Variants in QSER1 observed in about 807,000 individuals in gnomAD.
QSER1 encodes the protein glutamine and serine-rich protein 1.
In QSER1, 49 loss-of-function variants were observed where a neutral mutation model predicts 158.5. The observed-to-expected ratio is 0.31, with a 90% CI of 0.25 to 0.39. The LOEUF (loss-of-function observed/expected upper bound fraction) is 0.39, where lower values mean the gene tolerates loss of function less well. Among genes scored for constraint, QSER1 ranks in the 10% least tolerant of loss-of-function variants. QSER1 has a pLI of 1.00. For synonymous variants in QSER1, 650 were observed against 715.5 expected, an observed-to-expected ratio of 0.91 and a Z score of 1.46; for missense variants, 1,754 against 2,010.3, an observed-to-expected ratio of 0.87 and a Z score of 2.44.
rs751942678 is a variant in QSER1, at chr11:32,928,079, G to A, written c.440G>A (p.Gly147Glu). ...ESRTAQAAAS[G>E]TTLLPQFRAP... is the part of the protein sequence containing the mutation. ...CGAACTGCTCAGGCTGCTGCTTCAGGAACTACTCTCTTACCACAATTCAGG... is the reference window on the plus strand; with the variant it reads ...CGAACTGCTCAGGCTGCTGCTTCAGAAACTACTCTCTTACCACAATTCAGG... Residue 147 changes from glycine (G) to glutamate (E), a missense_variant, in exon 3 of 13, where the codon GGA (glycine) becomes GAA (glutamate). Physicochemically the swap from Gly to Glu is moderately conservative, Grantham distance 98. Around this residue, in one of 2 missense-constraint regions of QSER1, gnomAD observed 1,707 missense variants for 1,919.6 expected, o/e 0.89. Transcript: ENST00000650167. 1 of 1,613,892 alleles carries A rather than the reference G, an allele frequency of 6.2e-7. No individual in the cohort carries two copies. The highest frequency in any genetic ancestry group is 8.5e-7 in the Non-Finnish European group (1 of 1,179,876).
intron 4 of QSER1, among the ~76,000 whole-genome samples, chr11:32,937,510 A>C (rs1446366934): frequency 1.3e-5 from 2 of 151,238 alleles, no homozygotes; most frequent in Non-Finnish European, 2.9e-5. Context: ...CTGGTCTTGA[A>C]CTCCTGGCCT....
rs149163627 is a variant in QSER1, at chr11:32,911,092, C to G, written c.210-16065C>G. Among the ~76,000 whole-genome samples, 13 of 152,332 alleles carry G rather than the reference C, an allele frequency of 8.5e-5. No homozygotes were observed. The East Asian group carries it at 2.5e-3, about 29-fold the overall frequency. ...AGCAGTTAGTCCTCCTTTCTTGAAA[C>G]TTACAGTTCCTTTGATTTTTGGAGA... is the stretch of plus-strand genomic sequence containing the variant. On this transcript the variant is annotated intron_variant, in intron 1 of 12. Coordinates refer to ENST00000650167, the MANE Select transcript of QSER1 (RefSeq NM_001076786.3).
chr11:32,962,789 A>G (rs1261325928), intron 8 of QSER1, among the ~76,000 whole-genome samples: 1 of 152,224 alleles, frequency 6.6e-6, no homozygotes, highest in Non-Finnish European at 1.5e-5. Flanking sequence ...TTCACTTGAA[A>G]TCTCAAATTT....
At chr11:32,920,006 A>G (rs1310855930) in intron 1 of QSER1, among the ~76,000 whole-genome samples, 1 of 151,988 alleles carries the variant, frequency 6.6e-6, no homozygotes, top group Non-Finnish European at 1.5e-5. Flanking sequence ...TGGCACTACA[A>G]GATACTCTAG....
chr11:32,892,874 CCCG>C lies in QSER1; in HGVS notation c.-251_-249del, dbSNP rs1305232190. 2.5e-5 allele frequency among the ~76,000 whole-genome samples: 3 copies of C among 119,388 alleles called. No homozygotes were observed. Among genetic ancestry groups the C allele is most frequent in the Non-Finnish European group, 5.5e-5 (3 of 54,920 alleles). The allele number at this position is 119,388 out of a possible 152,430, so 78.3% of individuals were successfully genotyped here. On this transcript the variant is annotated 5_prime_UTR_variant, in exon 1 of 13. Coordinates refer to ENST00000650167, the MANE Select transcript of QSER1 (RefSeq NM_001076786.3). ...CGCCGCCGCCGCCGTCGCCGCGAGT[CCCG>C]GCCGCGGGTGCCTCCGCTTCCCTGA... is the stretch of plus-strand genomic sequence containing the variant.
In QSER1 at chr11:32,933,175, C is replaced by T; in HGVS notation, c.1917C>T (p.Pro639=). ...TTCAGACTCAAGAGTCATCATCTCC[C>T]CAGTCCCAGAAGTTTTTGCCTGCTG... is the stretch of plus-strand genomic sequence containing the variant. ...QNVQTQESSS[P]QSQKFLPAVQ... is the part of the protein sequence containing the mutation. Residue 639 remains proline, a synonymous_variant, in exon 4 of 13, where the codon CCC becomes CCT. Coordinates refer to ENST00000650167, the MANE Select transcript of QSER1 (RefSeq NM_001076786.3). The T allele has an allele frequency of 6.2e-7, 1 of 1,613,792 alleles. No homozygotes were observed. Among genetic ancestry groups the T allele is most frequent in the Non-Finnish European group, 8.5e-7 (1 of 1,179,888 alleles).
chr11:32,913,829 T>C (rs1240536457), intron 1 of QSER1, among the ~76,000 whole-genome samples: 1 of 152,202 alleles, frequency 6.6e-6, no homozygotes, highest in Non-Finnish European at 1.5e-5. Context: ...TCTAACTAAT[T>C]GTCTGTGTGG....
At chr11:32,901,818 T>C (rs61889542) in intron 1 of QSER1, among the ~76,000 whole-genome samples, 7,911 of 152,310 alleles carry the variant, frequency 0.052, 356 homozygotes, top group Non-Finnish European at 0.078. Context: ...GCGTGGTGGC[T>C]TGTGCCCATA....
chr11:32,964,024 G>A (rs1278617893), intron 8 of QSER1, among the ~76,000 whole-genome samples: 3 of 152,162 alleles, frequency 2.0e-5, no homozygotes, highest in Non-Finnish European at 4.4e-5. Context: ...ACCAGCAGGA[G>A]TAGAGTGGCA....
chr11:32,918,794 C>A (rs1383060628), intron 1 of QSER1, among the ~76,000 whole-genome samples: 14 of 152,104 alleles, frequency 9.2e-5, no homozygotes, highest in Non-Finnish European at 1.0e-4. Flanking sequence ...CTCTTCCCCC[C>A]AAAAACCCCT....
chr11:32,936,893 A>G (rs1852160677), intron 4 of QSER1, among the ~76,000 whole-genome samples: 1 of 152,244 alleles, frequency 6.6e-6, no homozygotes, highest in Admixed American at 6.5e-5. Context: ...ATACATTTCT[A>G]AAGAATTCTC....
At chr11:32,925,206 T>C (rs1851952112) in intron 1 of QSER1, among the ~76,000 whole-genome samples, 1 of 152,198 alleles carries the variant, frequency 6.6e-6, no homozygotes, top group Non-Finnish European at 1.5e-5. Flanking sequence ...GTCAATGTCT[T>C]TTTGGTAGAA....
chr11:32,922,751 C>G (rs974243145), intron 1 of QSER1, among the ~76,000 whole-genome samples: 1 of 151,916 alleles, frequency 6.6e-6, no homozygotes, highest in African/African-American at 2.4e-5. Context: ...TCACAAAGTG[C>G]TGGGATTATA....
At chr11:32,973,649 A>T (rs1206435956) in intron 11 of QSER1, 100 bp downstream of exon 11, 1 of 1,181,260 alleles carries the variant, frequency 8.5e-7, no homozygotes, top group Non-Finnish European at 1.2e-6. Context: ...CTATGTTGTC[A>T]TTAAGTGTGA....
chr11:32,976,700 T>C lies in QSER1; in HGVS notation c.*226T>C. 2.3e-6 allele frequency: 1 copy of C among 434,476 alleles called. No individual in the cohort carries two copies. Among genetic ancestry groups the C allele is most frequent in the Non-Finnish European group, 4.1e-6 (1 of 245,732 alleles). 26.9% of individuals were successfully genotyped at this position (434,476 alleles called of 1,614,324 possible). A position where few individuals can be genotyped will look rare whatever the true frequency, so the allele number is the denominator to read the frequency against. The stretch of plus-strand genomic sequence containing the variant: ...CCACATTTTTACCCTAATGAATGAT[T>C]TTTCTATTTTGTAAACCATTGGGTA... On this transcript the variant is annotated 3_prime_UTR_variant, in exon 13 of 13. Coordinates refer to ENST00000650167, the MANE Select transcript of QSER1 (RefSeq NM_001076786.3).
chr11:32,928,087 C>A lies in QSER1; in HGVS notation c.448C>A (p.Leu150Ile). The change falls in exon 3 of 13, where the codon CTC becomes ATC. Residue 150 changes from leucine to isoleucine, a missense_variant. Transcript: ENST00000650167. ...TAQAAASGTT[L>I]LPQFRAPSWQ... Reference sequence around the variant, plus strand: ...TCAGGCTGCTGCTTCAGGAACTACTCTCTTACCACAATTCAGGGCTCCATC... The same window carrying A: ...TCAGGCTGCTGCTTCAGGAACTACTATCTTACCACAATTCAGGGCTCCATC... The A allele has an allele frequency of 1.9e-6, 3 of 1,613,714 alleles. No homozygotes were observed. The South Asian group carries it at 3.3e-5, about 18-fold the overall frequency.
intron 1 of QSER1, chr11:32,926,691 T>G (rs1445705980): frequency 6.6e-6 from 1 of 152,180 alleles, no homozygotes; most frequent in Non-Finnish European, 1.5e-5. Flanking sequence ...TATTAATTAT[T>G]TATTTGAATT....
At chr11:32,919,788 T>A (rs1851878822) in intron 1 of QSER1, among the ~76,000 whole-genome samples, 1 of 152,258 alleles carries the variant, frequency 6.6e-6, no homozygotes, top group Admixed American at 6.5e-5. Flanking sequence ...TTCCTCTCTA[T>A]TTATTCAATC....
intron 9 of QSER1, among the ~76,000 whole-genome samples, chr11:32,967,783 T>G (rs1346967866): frequency 6.6e-6 from 1 of 152,180 alleles, no homozygotes; most frequent in Non-Finnish European, 1.5e-5. Flanking sequence ...TAATTTCTGG[T>G]CTAGTGCTTT....
Sources: gnomAD v4.1 joint callset for allele counts (sites outside exome capture counted in the v4.1 genomes callset) on GRCh38, gnomAD v4.1.1 for gene constraint, gnomAD v4.1.1 regional missense constraint, MANE v1.5 for transcripts, NCBI Gene and HGNC (gene_info 2026-07-23, HGNC 2026-07-21) for gene names.